LRIF1: variants seen among roughly 807,000 people sequenced by gnomAD.
LRIF1 encodes ligand dependent nuclear receptor interacting factor 1.
Under a neutral mutation model 52.7 loss-of-function variants are expected in LRIF1, and 32 were observed. The observed-to-expected ratio is 0.61, with a 90% confidence interval of 0.46 to 0.82. The LOEUF is 0.82. Ranked by LOEUF, LRIF1 falls within the 40% of genes least tolerant of loss-of-function variation. The pLI is 0.00. For missense variants in LRIF1, 887 were observed against 892.0 expected (o/e 0.99, Z 0.07); for synonymous variants, 323 against 317.4 (o/e 1.02, Z -0.19).
the LRIF1 span, among the ~76,000 whole-genome samples, chr1:110,914,313 T>C: frequency 6.6e-6 from 1 of 151,434 alleles, no homozygotes; most frequent in African/African-American, 2.4e-5. Flanking sequence ...AAAATAAAAG[T>C]TGAGAAAGAA....
chr1:110,920,031 A>ATTGG, the LRIF1 span, among the ~76,000 whole-genome samples: 1 of 152,342 alleles, frequency 6.6e-6, no homozygotes, highest in South Asian at 2.1e-4. Flanking sequence ...GCCCAAATCC[A>ATTGG]AAATGCAGAC....
At chr1:110,938,253 G>C in the LRIF1 span, 3 of 151,978 alleles carry the variant, frequency 2.0e-5, no homozygotes, top group East Asian at 5.8e-4. Context: ...AAAGACACAT[G>C]AAAAATGAAA....
rs1034218131 is a variant in LRIF1 at position 110,947,306 on chromosome 1, G to A, written c.*653C>T. 6.6e-6 allele frequency: 1 copy of A among 150,612 alleles called. No homozygotes were observed. The highest frequency in any genetic ancestry group is 1.5e-5 in the Non-Finnish European group (1 of 67,796). The allele number at this position is 150,612 out of a possible 1,614,324, so 9.3% of individuals were successfully genotyped here. On this transcript the variant is annotated 3_prime_UTR_variant, in exon 4 of 4. Coordinates refer to ENST00000369763, the MANE Select transcript of LRIF1 (RefSeq NM_018372.4). The stretch of plus-strand genomic sequence containing the variant: ...AAAAAAAAAAAGCAGCATTTGCCTG[G>A]GAACACATCACTATAAGCAAACAAA...
At chr1:110,902,458 C>T in the LRIF1 span, among the ~76,000 whole-genome samples, 1 of 127,380 alleles carries the variant, frequency 7.9e-6, no homozygotes, top group African/African-American at 2.9e-5. Context: ...CATGCTAACA[C>T]TTGCTTACAG....
the LRIF1 span, among the ~76,000 whole-genome samples, chr1:110,926,489 A>C: frequency 6.6e-6 from 1 of 152,026 alleles, no homozygotes; most frequent in African/African-American, 2.4e-5. Context: ...ATTACACTTC[A>C]CACTAAAAAT....
At chr1:110,930,048 G>A in the LRIF1 span, among the ~76,000 whole-genome samples, 2 of 152,116 alleles carry the variant, frequency 1.3e-5, no homozygotes, top group East Asian at 1.9e-4. Flanking sequence ...CGTTTGGTGC[G>A]ATATTATTAA....
downstream of LRIF1, chr1:110,944,222 G>T (rs1372953836): frequency 6.6e-6 from 1 of 152,232 alleles, no homozygotes; most frequent in Non-Finnish European, 1.5e-5. Flanking sequence ...GGTGTGAGGT[G>T]TGAGAGCAAG....
chr1:110,906,807 TG>T, the LRIF1 span, among the ~76,000 whole-genome samples: 3 of 152,136 alleles, frequency 2.0e-5, no homozygotes, highest in Non-Finnish European at 4.4e-5. Flanking sequence ...ACTTTTTTAA[TG>T]GAACTTGAAC....
At chr1:110,894,302 T>C in the LRIF1 span, 1 of 1,577,590 alleles carries the variant, frequency 6.3e-7, no homozygotes. Flanking sequence ...ATCAGTGCTG[T>C]GAGAATGTAT....
the LRIF1 span, among the ~76,000 whole-genome samples, chr1:110,877,742 A>T: frequency 6.6e-6 from 1 of 152,234 alleles, no homozygotes; most frequent in East Asian, 1.9e-4. Flanking sequence ...AAGATAACAG[A>T]TATTCCTTGA....
chr1:110,905,670 T>A, the LRIF1 span, among the ~76,000 whole-genome samples: 1 of 152,094 alleles, frequency 6.6e-6, no homozygotes, highest in African/African-American at 2.4e-5. Context: ...GGGATGTTAA[T>A]GAGCAATAAG....
chr1:110,892,274 G>A, the LRIF1 span: 1 of 1,035,176 alleles, frequency 9.7e-7, no homozygotes. Flanking sequence ...TGATCTCAAG[G>A]AAGTGAGAAT....
chr1:110,917,427 G>T, the LRIF1 span, among the ~76,000 whole-genome samples: 4 of 152,272 alleles, frequency 2.6e-5, no homozygotes, highest in Non-Finnish European at 5.9e-5. Context: ...CAAGTTATGT[G>T]TGTATTTGTA....
chr1:110,899,132 G>A, the LRIF1 span: 1 of 1,613,624 alleles, frequency 6.2e-7, no homozygotes, highest in Non-Finnish European at 8.5e-7. Context: ...AGGTGTTGGG[G>A]ATGTCCTTTG....
At chr1:110,889,808 A>G in the LRIF1 span, among the ~76,000 whole-genome samples, 1 of 152,292 alleles carries the variant, frequency 6.6e-6, no homozygotes, top group African/African-American at 2.4e-5. Flanking sequence ...TTGACCCCAA[A>G]GCCTGGGTAG....
At position 110,952,073 on chromosome 1, in the gene LRIF1, T is replaced by C. The variant is rs776087954; in HGVS notation, c.811A>G (p.Asn271Asp). The C allele has an allele frequency of 6.2e-7, 1 of 1,614,080 alleles. No homozygotes were observed. The highest frequency in any genetic ancestry group is 1.3e-5 in the African/African-American group (1 of 74,926). ...VILNTTQIPKNVATETQLKGG... is the reference protein window; with the variant it reads ...VILNTTQIPKDVATETQLKGG... ...TTCAATTGTGTCTCTGTAGCAACAT[T>C]CTTTGGAATTTGTGTGGTATTTAGT... Residue 271 changes from asparagine (N) to aspartate (D), a missense_variant, in exon 2 of 4, where the codon AAT (asparagine) becomes GAT (aspartate). Asn to Asp is a conservative substitution (Grantham distance 23). Transcript: ENST00000369763.
At chr1:110,887,193 A>G in the LRIF1 span, among the ~76,000 whole-genome samples, 2 of 151,848 alleles carry the variant, frequency 1.3e-5, no homozygotes, top group African/African-American at 4.8e-5. Context: ...CCTCCCGAGT[A>G]GCTGGGACTA....
chr1:110,881,722 C>T, the LRIF1 span, among the ~76,000 whole-genome samples: 1 of 152,192 alleles, frequency 6.6e-6, no homozygotes. Flanking sequence ...TACATTCCCA[C>T]CAACAGTGTA....
At chr1:110,886,785 C>T in the LRIF1 span, among the ~76,000 whole-genome samples, 1 of 149,924 alleles carries the variant, frequency 6.7e-6, no homozygotes, top group South Asian at 2.1e-4. Flanking sequence ...GTGGAGGCTG[C>T]CGTGAGCCAA....
Sources: allele counts gnomAD v4.1 joint callset (sites outside exome capture counted in the v4.1 genomes callset), GRCh38; gene constraint gnomAD v4.1.1; transcripts MANE v1.5; gene names NCBI Gene and HGNC (gene_info 2026-07-23, HGNC 2026-07-21).